Variants in ZMYM2 observed in about 807,000 individuals in gnomAD.
ZMYM2 encodes the protein zinc finger MYM-type protein 2.
ZMYM2 carries 56 observed loss-of-function variants against 162.8 expected under a neutral mutation model. The observed-to-expected ratio is 0.34, with a 90% confidence interval of 0.28 to 0.43. ZMYM2 has a LOEUF of 0.43. Ranked by LOEUF, ZMYM2 falls within the 20% of genes least tolerant of loss-of-function variation. ZMYM2 has a pLI of 1.00. For missense variants in ZMYM2, 1,275 were observed against 1,621.8 expected, an observed-to-expected ratio of 0.79 and a Z score of 3.67; for synonymous variants, 510 against 541.6, an observed-to-expected ratio of 0.94 and a Z score of 0.81.
the ZMYM2 span, among the ~76,000 whole-genome samples, chr13:19,920,170 AC>A: frequency 6.6e-6 from 1 of 152,164 alleles, no homozygotes; most frequent in Non-Finnish European, 1.5e-5. Context: ...CCCTAAATTA[AC>A]CTTTTCAAGT....
chr13:19,924,303 G>A, the ZMYM2 span, among the ~76,000 whole-genome samples: 1 of 152,172 alleles, frequency 6.6e-6, no homozygotes, highest in Non-Finnish European at 1.5e-5. Flanking sequence ...GGTGGCTCAC[G>A]CCTGTAATCC....
At chr13:19,977,284 G>A (rs1956878117) in intron 2 of ZMYM2, among the ~76,000 whole-genome samples, 1 of 152,066 alleles carries the variant, frequency 6.6e-6, no homozygotes, top group Non-Finnish European at 1.5e-5. Context: ...GGCTCCCAAA[G>A]TGTTGGGATT....
At chr13:19,870,580 T>TTCCTTCCTTCCTTCCTTCCTTCC in the ZMYM2 span, among the ~76,000 whole-genome samples, 18 of 132,124 alleles carry the variant, frequency 1.4e-4, no homozygotes, top group African/African-American at 4.7e-4. Context: ...CCTTCTTTCC[T>TTCCTTCCTTCCTTCCTTCCTTCC]TTCCTTCCTT....
chr13:20,057,781 T>G (rs1478366011), intron 14 of ZMYM2, among the ~76,000 whole-genome samples: 1 of 152,216 alleles, frequency 6.6e-6, no homozygotes, highest in Non-Finnish European at 1.5e-5. Context: ...CACAGGAACC[T>G]AATCTTGTAT....
chr13:19,971,150 T>C (rs1177863820), intron 2 of ZMYM2, among the ~76,000 whole-genome samples: 1 of 151,208 alleles, frequency 6.6e-6, no homozygotes, highest in Non-Finnish European at 1.5e-5. Context: ...GGAAGAATTG[T>C]AGGCTTTCTC....
chr13:20,050,304 A>G (rs1287343291), intron 12 of ZMYM2, among the ~76,000 whole-genome samples: 1 of 152,014 alleles, frequency 6.6e-6, no homozygotes, highest in Non-Finnish European at 1.5e-5. Context: ...GTCATTTGTT[A>G]ACATTCCTGA....
the ZMYM2 span, among the ~76,000 whole-genome samples, chr13:19,900,170 G>A: frequency 1.3e-5 from 2 of 151,912 alleles, no homozygotes; most frequent in Admixed American, 6.6e-5. Flanking sequence ...GTGTGGTGGT[G>A]TGAGTGTAAT....
intron 21 of ZMYM2, among the ~76,000 whole-genome samples, chr13:20,076,427 T>A (rs1251451969): frequency 6.6e-6 from 1 of 150,506 alleles, no homozygotes; most frequent in African/African-American, 2.5e-5. Flanking sequence ...GAAAAGTATA[T>A]TTTTTATTTT....
intron 12 of ZMYM2, among the ~76,000 whole-genome samples, chr13:20,050,625 T>C (rs1029198362): frequency 6.6e-6 from 1 of 152,014 alleles, no homozygotes; most frequent in Non-Finnish European, 1.5e-5. Flanking sequence ...GTTAAACTCA[T>C]TGGTCAAGAC....
chr13:20,085,081 AT>A (rs1443800659), intron 24 of ZMYM2, among the ~76,000 whole-genome samples: 1 of 152,162 alleles, frequency 6.6e-6, no homozygotes, highest in Non-Finnish European at 1.5e-5. Flanking sequence ...CCTGAAGATA[AT>A]TTTATTTATG....
the ZMYM2 span, among the ~76,000 whole-genome samples, chr13:19,917,093 G>A: frequency 3.3e-5 from 5 of 152,048 alleles, no homozygotes; most frequent in Non-Finnish European, 7.4e-5. Flanking sequence ...CTCCGGAGTA[G>A]CTGGGACTAC....
intron 2 of ZMYM2, among the ~76,000 whole-genome samples, chr13:19,967,175 AAAAG>A (rs1414969590): frequency 6.6e-6 from 1 of 152,142 alleles, no homozygotes; most frequent in African/African-American, 2.4e-5. Context: ...TTTTTTTAAA[AAAAG>A]AGCACAGTAT....
At position 19,993,730 on chromosome 13, in the gene ZMYM2, C is replaced by T; in HGVS notation, c.658C>T (p.Leu220=). The change falls in exon 3 of 25, where the codon CTG becomes TTG. Residue 220 remains leucine (L), a synonymous_variant. Coordinates refer to ENST00000610343, the MANE Select transcript of ZMYM2 (RefSeq NM_197968.4). ...CTTAATGATTACACATGTAACATCA[C>T]TGCAGAATACCAACTTGGGAGATGT... is the stretch of plus-strand genomic sequence containing the variant. ...MNLMITHVTS[L]QNTNLGDVSN... The T allele has an allele frequency of 6.2e-7, 1 of 1,614,012 alleles. No individual in the cohort carries two copies. Among genetic ancestry groups the T allele is most frequent in the Non-Finnish European group, 8.5e-7 (1 of 1,179,898 alleles).
the ZMYM2 span, among the ~76,000 whole-genome samples, chr13:19,897,401 C>G: frequency 6.6e-6 from 1 of 152,008 alleles, no homozygotes; most frequent in African/African-American, 2.4e-5. Flanking sequence ...ACAGGAGACT[C>G]ACTTTTGATA....
At chr13:19,875,046 G>T in the ZMYM2 span, among the ~76,000 whole-genome samples, 1 of 152,188 alleles carries the variant, frequency 6.6e-6, no homozygotes, top group Non-Finnish European at 1.5e-5. Flanking sequence ...TGCCACCTGA[G>T]CCAGCAGTCC....
the ZMYM2 span, among the ~76,000 whole-genome samples, chr13:19,870,737 G>A: frequency 0.012 from 1,763 of 151,416 alleles, 29 homozygotes; most frequent in African/African-American, 0.041. Flanking sequence ...AGCGATTCTT[G>A]TGCCTCAGCC....
At position 20,086,049 on chromosome 13, in the gene ZMYM2, G is replaced by A; in HGVS notation, c.*35G>A. 6.3e-7 allele frequency: 1 copy of A among 1,585,326 alleles called. No individual in the cohort carries two copies. The highest frequency in any genetic ancestry group is 8.6e-7 in the Non-Finnish European group (1 of 1,161,218). The stretch of plus-strand genomic sequence containing the variant: ...TTGCAGAAGCAATCGGGATAAAACA[G>A]CATTAGATAGTCATGCTGCTAGATC... On this transcript the variant is annotated 3_prime_UTR_variant, in exon 25 of 25. Coordinates refer to ENST00000610343, the MANE Select transcript of ZMYM2 (RefSeq NM_197968.4).
At chr13:19,955,434 T>C (rs553470314), upstream of ZMYM2, among the ~76,000 whole-genome samples, 75 of 152,170 alleles carry the variant, frequency 4.9e-4, no homozygotes, top group Middle Eastern at 3.2e-3. Flanking sequence ...AGCTTACACA[T>C]GACTAAAAGC....
chr13:20,081,886 C>CA, intron 21 of ZMYM2, 130 bp from the exon 22 acceptor site: 1 of 522,074 alleles, frequency 1.9e-6, no homozygotes, highest in Non-Finnish European at 3.3e-6. Context: ...TAAAATCAGT[C>CA]ATGTTTTAGT....
Sources: gnomAD v4.1 joint callset for allele counts (sites outside exome capture counted in the v4.1 genomes callset) on GRCh38, gnomAD v4.1.1 for gene constraint, MANE v1.5 for transcripts, NCBI Gene and HGNC (gene_info 2026-07-23, HGNC 2026-07-21) for gene names.